The following FGF14 variants were observed in gnomAD, a reference collection of about 807,000 sequenced individuals.
The protein encoded by FGF14 is fibroblast growth factor homologous factor 4.
FGF14 carries 5 observed loss-of-function variants against 25.5 expected under a neutral mutation model. The observed-to-expected ratio is 0.20, with a 90% CI of 0.10 to 0.41. FGF14 has a LOEUF of 0.41. Among genes scored for constraint, FGF14 ranks in the 10% least tolerant of loss-of-function variants. The probability of loss-of-function intolerance (pLI) is 1.00; values close to 1 mark genes in which losing one functional copy is unlikely to be tolerated. For synonymous variants in FGF14, 138 were observed against 118.3 expected, an observed-to-expected ratio of 1.17 and a Z score of -1.08; for missense variants, 222 against 320.1, an observed-to-expected ratio of 0.69 and a Z score of 2.34.
At chr13:102,151,865 T>C (rs1446570162) in intron 1 of FGF14, among the ~76,000 whole-genome samples, 2 of 152,200 alleles carry the variant, frequency 1.3e-5, no homozygotes, top group East Asian at 1.9e-4. Flanking sequence ...AATACTTACA[T>C]AATATTTATA....
At chr13:102,327,273 T>A (rs2138808179) in intron 1 of FGF14, among the ~76,000 whole-genome samples, 1 of 152,318 alleles carries the variant, frequency 6.6e-6, no homozygotes, top group Admixed American at 6.5e-5. Context: ...TTGCAACACA[T>A]CTGTTAGGAT....
chr13:102,029,307 A>G (rs2041091885), intron 1 of FGF14, among the ~76,000 whole-genome samples: 1 of 152,076 alleles, frequency 6.6e-6, no homozygotes, highest in Non-Finnish European at 1.5e-5. Flanking sequence ...TAATAATATA[A>G]CTTAGGATGC....
rs539222412 is a variant in FGF14 at position 102,088,604 on chromosome 13, T to C, written c.209-213308A>G. Among the ~76,000 whole-genome samples, 255 of 152,242 alleles carry C rather than the reference T, an allele frequency of 1.7e-3. 1 individual carries two copies. The highest frequency in any genetic ancestry group is 5.6e-3 in the African/African-American group (233 of 41,550). ...ATATTTTCTAACTGAGAAATCAAAG[T>C]CAATCCATAAGGTATTTGACATATA... is the stretch of plus-strand genomic sequence containing the variant. On this transcript the variant is annotated intron_variant, in intron 1 of 4. Transcript: ENST00000376131.
intron 1 of FGF14, among the ~76,000 whole-genome samples, chr13:102,073,034 C>T (rs1022235751): frequency 6.6e-6 from 1 of 152,126 alleles, no homozygotes; most frequent in Non-Finnish European, 1.5e-5. Context: ...TTGAGGTTAA[C>T]AGTTCAAGAC....
At chr13:102,116,348 T>C (rs1293486257) in intron 1 of FGF14, among the ~76,000 whole-genome samples, 2 of 152,088 alleles carry the variant, frequency 1.3e-5, no homozygotes, top group African/African-American at 2.4e-5. Flanking sequence ...GTAATTTTAC[T>C]CCTAGGGGTG....
At chr13:101,825,259 T>C (rs2042345922) in intron 3 of FGF14, among the ~76,000 whole-genome samples, 2 of 152,162 alleles carry the variant, frequency 1.3e-5, no homozygotes, top group Non-Finnish European at 2.9e-5. Flanking sequence ...AGTGTCTGAA[T>C]TGAATTGAAT....
chr13:101,979,613 G>A (rs1051223839), intron 1 of FGF14, among the ~76,000 whole-genome samples: 6 of 152,076 alleles, frequency 3.9e-5, no homozygotes, highest in African/African-American at 1.4e-4. Context: ...TCTAGAAGCT[G>A]GGATAGGATG....
At chr13:102,382,642 A>G (rs2058210722) in intron 1 of FGF14, among the ~76,000 whole-genome samples, 1 of 152,112 alleles carries the variant, frequency 6.6e-6, no homozygotes, top group African/African-American at 2.4e-5. Flanking sequence ...AAGAATTGAA[A>G]CATATGTCCA....
At chr13:102,207,151 A>T (rs1462589065) in intron 1 of FGF14, among the ~76,000 whole-genome samples, 2 of 151,984 alleles carry the variant, frequency 1.3e-5, no homozygotes, top group East Asian at 3.9e-4. Context: ...ATGGTGGCAC[A>T]TGCCTGTAAT....
chr13:101,889,316 T>C (rs1414760202), intron 1 of FGF14, among the ~76,000 whole-genome samples: 1 of 152,184 alleles, frequency 6.6e-6, no homozygotes, highest in Non-Finnish European at 1.5e-5. Context: ...TGTAGCTAAC[T>C]ATGAGAAAAA....
At chr13:102,189,103 GAGAGAGAT>G (rs766387214) in intron 1 of FGF14, among the ~76,000 whole-genome samples, 4 of 150,206 alleles carry the variant, frequency 2.7e-5, no homozygotes, top group African/African-American at 5.0e-5. Context: ...AAAGGAGGGA[GAGAGAGAT>G]AGAGAGAGAG....
chr13:102,265,239 G>A lies in FGF14; in HGVS notation c.208+136232C>T, dbSNP rs143426453. On this transcript the variant is annotated intron_variant, in intron 1 of 4. Coordinates refer to the FGF14 transcript ENST00000376131. The stretch of plus-strand genomic sequence containing the variant: ...TGTTTTTGTGTAAGTAAATTTTGGC[G>A]CTTTCTGGTATAAACTCCTTAACTC... 6.3e-4 allele frequency among the ~76,000 whole-genome samples: 95 copies of A among 151,938 alleles called. 1 individual carries two copies. In the East Asian group the frequency reaches 0.012, roughly 19 times the overall value.
intron 1 of FGF14, among the ~76,000 whole-genome samples, chr13:102,110,032 A>G (rs1179692033): frequency 6.6e-6 from 1 of 152,202 alleles, no homozygotes; most frequent in East Asian, 1.9e-4. Flanking sequence ...ATGGATGTGG[A>G]TCAGAATCCA....
intron 1 of FGF14, among the ~76,000 whole-genome samples, chr13:102,124,161 T>C (rs1417040694): frequency 1.3e-5 from 2 of 152,098 alleles, no homozygotes; most frequent in Admixed American, 6.6e-5. Context: ...GGGGAAAGAA[T>C]AGAAAGAAGT....
chr13:102,285,610 C>T (rs2054056952), intron 1 of FGF14, among the ~76,000 whole-genome samples: 2 of 152,208 alleles, frequency 1.3e-5, no homozygotes, highest in South Asian at 4.1e-4. Context: ...AAACTCTCTA[C>T]ATTTTTAGAC....
chr13:102,382,315 C>A (rs1293211674), intron 1 of FGF14, among the ~76,000 whole-genome samples: 1 of 151,974 alleles, frequency 6.6e-6, no homozygotes, highest in Non-Finnish European at 1.5e-5. Context: ...TAAAAATGGG[C>A]AAATAATTTG....
At chr13:101,882,686 G>A (rs1046203610) in intron 1 of FGF14, among the ~76,000 whole-genome samples, 2 of 151,972 alleles carry the variant, frequency 1.3e-5, no homozygotes, top group Non-Finnish European at 2.9e-5. Flanking sequence ...CTCCAGAGTT[G>A]AGGCTCATAT....
chr13:101,788,109 G>C (rs2039959176), intron 3 of FGF14, among the ~76,000 whole-genome samples: 1 of 152,158 alleles, frequency 6.6e-6, no homozygotes, highest in Non-Finnish European at 1.5e-5. Flanking sequence ...CTGACAGCAG[G>C]TGATCCACCT....
At chr13:102,008,479 A>G (rs1274963814) in intron 1 of FGF14, among the ~76,000 whole-genome samples, 1 of 152,192 alleles carries the variant, frequency 6.6e-6, no homozygotes, top group Non-Finnish European at 1.5e-5. Context: ...AAACTGTGAT[A>G]TTATAGGTCA....
Sources: gnomAD v4.1 joint callset for allele counts (sites outside exome capture counted in the v4.1 genomes callset) on GRCh38, gnomAD v4.1.1 for gene constraint, MANE v1.5 for transcripts, NCBI Gene and HGNC (gene_info 2026-07-23, HGNC 2026-07-21) for gene names.